Variants in COL27A1 observed in about 807,000 individuals in gnomAD.
COL27A1 encodes collagen type XXVII alpha 1 chain, also known as collagen alpha-1(XXVII) chain.
Under a neutral mutation model 251.3 loss-of-function variants are expected in COL27A1, and 106 were observed. That is an observed-to-expected ratio of 0.42 (90% CI 0.36 to 0.50). The LOEUF is 0.50. Among genes scored for constraint, COL27A1 ranks in the 20% least tolerant of loss-of-function variants. COL27A1 has a pLI of 0.00. For missense variants in COL27A1, 2,325 were observed against 2,522.8 expected (o/e 0.92, Z 1.68); for synonymous variants, 1,000 against 986.3 (o/e 1.01, Z -0.26).
chr9:114,274,140 G>A (rs1835330548), intron 36 of COL27A1: 1 of 152,000 alleles, frequency 6.6e-6, no homozygotes, highest in South Asian at 2.1e-4. Context: ...TAGTTGGGAG[G>A]CGGGGGCACT....
chr9:114,198,992 A>G (rs1041840862), intron 7 of COL27A1, among the ~76,000 whole-genome samples: 2 of 152,180 alleles, frequency 1.3e-5, no homozygotes, highest in South Asian at 4.1e-4. Context: ...TGAATAAATA[A>G]TGATCATGAT....
intron 5 of COL27A1, among the ~76,000 whole-genome samples, chr9:114,192,799 C>A (rs185361053): frequency 2.6e-5 from 4 of 152,358 alleles, no homozygotes; most frequent in Admixed American, 6.5e-5. Context: ...AAGCTCATTC[C>A]TTTCCCTTCT....
At chr9:114,303,922 G>A (rs1034825743) in intron 56 of COL27A1, among the ~76,000 whole-genome samples, 1 of 152,228 alleles carries the variant, frequency 6.6e-6, no homozygotes, top group African/African-American at 2.4e-5. Flanking sequence ...CTTCGGGAGA[G>A]GCTTCCCATC....
In COL27A1 at chr9:114,290,205, C is replaced by A. The variant is rs1335269177; in HGVS notation, c.4261-19C>A. ...TCCCTGCACCAAATGCCCTCACCAG[C>A]TTTTTATGTACCCCCCAGGGCCTGC... is the stretch of plus-strand genomic sequence containing the variant. On this transcript the variant is annotated intron_variant, in intron 46 of 60. Transcript: ENST00000356083. This position sits in a 1 kb window ranked among gnomAD's most constrained non-coding sequence, Gnocchi z 4.6. 6.3e-7 allele frequency: 1 copy of A among 1,577,850 alleles called. No individual in the cohort carries two copies. Among genetic ancestry groups the A allele is most frequent in the Non-Finnish European group, 8.6e-7 (1 of 1,161,150 alleles).
chr9:114,188,534 CTG>C (rs1001988229), intron 5 of COL27A1, among the ~76,000 whole-genome samples: 246 of 151,908 alleles, frequency 1.6e-3, no homozygotes, highest in African/African-American at 5.3e-3. Context: ...GAGGATTAAA[CTG>C]TGTGTGTGTG....
chr9:114,306,452 G>A (rs1327611646), intron 57 of COL27A1, 68 bp from the exon 58 acceptor site: 3 of 1,526,134 alleles, frequency 2.0e-6, no homozygotes, highest in Non-Finnish European at 1.8e-6. Context: ...ACTGGGGGCT[G>A]TGGAGGCTTG....
Position 114,290,159 on chromosome 9 carries a change from C to T in COL27A1, c.4260+48C>T, listed in dbSNP as rs1211960744. On this transcript the variant is annotated intron_variant, in intron 46 of 60. Coordinates refer to ENST00000356083, the MANE Select transcript of COL27A1 (RefSeq NM_032888.4). This position sits in a 1 kb window ranked among gnomAD's most constrained non-coding sequence, Gnocchi z 4.6. ...TCCAGCCAACCTCCCTGCCCGCCCC[C>T]CACACCCGCCCTCCTCCCACTCCCT... 20 of 1,593,326 alleles carry T rather than the reference C, an allele frequency of 1.3e-5. 1 individual carries two copies. The Admixed American group carries it at 3.4e-4, about 27-fold the overall frequency.
Position 114,303,696 on chromosome 9 carries a change from C to T in COL27A1, c.4873-912C>T, listed in dbSNP as rs1311744508. On this transcript the variant is annotated intron_variant, in intron 56 of 60. Transcript: ENST00000356083. ...AGTAAGTGGCAGGTCTGGAATTTGACCCTGAGGAGTAGCCCCAGAGTCCCC... is the reference window on the plus strand; with the variant it reads ...AGTAAGTGGCAGGTCTGGAATTTGATCCTGAGGAGTAGCCCCAGAGTCCCC... 1.2e-4 allele frequency among the ~76,000 whole-genome samples: 19 copies of T among 152,212 alleles called. 1 individual carries two copies. Among genetic ancestry groups the T allele is most frequent in the Admixed American group, 1.2e-3 (19 of 15,284 alleles).
Position 114,292,122 on chromosome 9 carries a change from G to C in COL27A1, c.4496G>C (p.Gly1499Ala). Residue 1499 changes from glycine to alanine, a missense_variant, in exon 49 of 61, where the codon GGA becomes GCA. Coordinates refer to ENST00000356083, the MANE Select transcript of COL27A1 (RefSeq NM_032888.4). ...TTTAAGGGTGAGAGTGGGTTACCCG[G>C]ACAGCTGGGTCCCCCTGGCAAGCGA... ...PGFKGESGLP[G>A]QLGPPGKRGT... The C allele has an allele frequency of 6.4e-7, 1 of 1,558,582 alleles. No individual in the cohort carries two copies. Among genetic ancestry groups the C allele is most frequent in the Non-Finnish European group, 8.7e-7 (1 of 1,150,988 alleles).
At chr9:114,305,925 T>C (rs569784286) in intron 57 of COL27A1, among the ~76,000 whole-genome samples, 148 of 152,308 alleles carry the variant, frequency 9.7e-4, no homozygotes, top group African/African-American at 3.3e-3. Flanking sequence ...GATTTGTAGC[T>C]CTGGAAGCTG....
At chr9:114,248,135 G>A (rs189676484) in intron 24 of COL27A1, among the ~76,000 whole-genome samples, 1 of 152,312 alleles carries the variant, frequency 6.6e-6, no homozygotes, top group East Asian at 1.9e-4. Flanking sequence ...CCTGAGGTCT[G>A]CTGGGTTCCC....
Position 114,167,951 on chromosome 9 carries a change from C to T in COL27A1, c.396C>T (p.Pro132=), listed in dbSNP as rs753062733. ...RKLQLGLQFL[P]GKTVVHLGSR... ...TGCAGCTGGGCCTGCAGTTCCTCCC[C>T]GGCAAGACGGTCGTCCACCTCGGGT... Residue 132 remains proline (P), a synonymous_variant, in exon 3 of 61, where the codon CCC becomes CCT. Transcript: ENST00000356083. 4.0e-5 allele frequency: 65 copies of T among 1,608,650 alleles called. No homozygotes were observed. The highest frequency in any genetic ancestry group is 4.8e-5 in the Non-Finnish European group (57 of 1,179,852).
intron 35 of COL27A1, among the ~76,000 whole-genome samples, chr9:114,269,936 C>T (rs554528823): frequency 6.6e-6 from 1 of 152,288 alleles, no homozygotes; most frequent in African/African-American, 2.4e-5. Flanking sequence ...CAGAGAGAGA[C>T]CCAAACTTAA....
intron 37 of COL27A1, among the ~76,000 whole-genome samples, chr9:114,281,599 G>A (rs768254574): frequency 6.6e-6 from 1 of 152,232 alleles, no homozygotes; most frequent in Non-Finnish European, 1.5e-5. Flanking sequence ...GGAGGGGCCC[G>A]TTCAAGGGAC....
chr9:114,298,822 C>T (rs940904363), intron 49 of COL27A1, among the ~76,000 whole-genome samples: 6 of 152,108 alleles, frequency 3.9e-5, no homozygotes, highest in Admixed American at 1.3e-4. Context: ...CTTCCAAAGG[C>T]ACCATCAAGA....
At chr9:114,227,311 GTT>G (rs5900077) in intron 14 of COL27A1, among the ~76,000 whole-genome samples, 29 of 128,910 alleles carry the variant, frequency 2.2e-4, no homozygotes, top group African/African-American at 4.1e-4. Flanking sequence ...AACCTTGAGT[GTT>G]TTTTTTTTTT....
At chr9:114,181,496 G>C (rs1316465387) in intron 4 of COL27A1, among the ~76,000 whole-genome samples, 1 of 152,172 alleles carries the variant, frequency 6.6e-6, no homozygotes, top group East Asian at 1.9e-4. Context: ...TTCACACACA[G>C]TTAGCCCGAT....
chr9:114,263,697 A>G (rs1346402545), intron 28 of COL27A1, among the ~76,000 whole-genome samples: 1 of 151,972 alleles, frequency 6.6e-6, no homozygotes, highest in Non-Finnish European at 1.5e-5. Flanking sequence ...TCTCCCAGCA[A>G]TCAGGGACCA....
At chr9:114,179,942 G>C (rs910986925) in intron 4 of COL27A1, among the ~76,000 whole-genome samples, 1 of 149,566 alleles carries the variant, frequency 6.7e-6, no homozygotes, top group Admixed American at 6.8e-5. Flanking sequence ...AGGTTCAAGG[G>C]ATTCTCCTGC....
Sources: gnomAD v4.1 joint callset for allele counts (sites outside exome capture counted in the v4.1 genomes callset) on GRCh38, gnomAD v4.1.1 for gene constraint, Gnocchi (gnomAD v3.1) non-coding constraint, MANE v1.5 for transcripts, NCBI Gene and HGNC (gene_info 2026-07-23, HGNC 2026-07-21) for gene names.